The following ROBO2 variants were observed in gnomAD, a reference collection of about 807,000 sequenced individuals.
The protein encoded by ROBO2 is roundabout homolog 2.
Under a neutral mutation model 160.8 loss-of-function variants are expected in ROBO2, and 53 were observed. The ratio of observed to expected loss-of-function variants is 0.33; its 90% CI spans 0.26 to 0.41. The LOEUF is 0.41. ROBO2 is among the 10% of genes least tolerant of loss of function. ROBO2 has a pLI of 1.00. For synonymous variants in ROBO2, 664 were observed against 611.7 expected, an observed-to-expected ratio of 1.09 and a Z score of -1.26; for missense variants, 1,577 against 1,722.4, an observed-to-expected ratio of 0.92 and a Z score of 1.49.
intron 2 of ROBO2, among the ~76,000 whole-genome samples, chr3:76,468,930 A>G (rs3913575): frequency 0.38 from 58,244 of 151,832 alleles, 11,260 homozygotes; most frequent in Non-Finnish European, 0.4. Flanking sequence ...TTCCTACTTC[A>G]CGTCTCTCTT....
At chr3:76,651,164 C>T (rs1393159673) in intron 2 of ROBO2, among the ~76,000 whole-genome samples, 2 of 152,154 alleles carry the variant, frequency 1.3e-5, no homozygotes, top group Non-Finnish European at 2.9e-5. Context: ...GCACTCAAAA[C>T]CTCAGGGGTC....
At chr3:76,147,683 A>C (rs2071969999) in intron 2 of ROBO2, among the ~76,000 whole-genome samples, 1 of 152,024 alleles carries the variant, frequency 6.6e-6, no homozygotes, top group Admixed American at 6.6e-5. Context: ...TAATGATTGC[A>C]AAGCAGCCAA....
chr3:76,965,949 T>C (rs1577906480), intron 2 of ROBO2, among the ~76,000 whole-genome samples: 1 of 136,634 alleles, frequency 7.3e-6, no homozygotes, highest in East Asian at 2.2e-4. Flanking sequence ...TGAGACGGAG[T>C]TTCACTCTTG....
chr3:77,190,291 GAA>G (rs1322201911), intron 2 of ROBO2, among the ~76,000 whole-genome samples: 1 of 151,918 alleles, frequency 6.6e-6, no homozygotes, highest in Non-Finnish European at 1.5e-5. Flanking sequence ...GCTGTGCTCA[GAA>G]AAAGTCTTGT....
intron 2 of ROBO2, among the ~76,000 whole-genome samples, chr3:77,239,851 T>C (rs749336308): frequency 1.3e-5 from 2 of 151,876 alleles, no homozygotes; most frequent in African/African-American, 4.8e-5. Context: ...TTACAATCCT[T>C]TAGCTAGATG....
chr3:77,520,670 A>G (rs1447846), intron 5 of ROBO2, among the ~76,000 whole-genome samples: 119,871 of 151,108 alleles, frequency 0.79, 48,280 homozygotes, highest in African/African-American at 0.93. Flanking sequence ...CAACAAGAAT[A>G]AATAGCTAAA....
intron 2 of ROBO2, among the ~76,000 whole-genome samples, chr3:76,186,787 T>A (rs1701786142): frequency 6.6e-6 from 1 of 152,158 alleles, no homozygotes; most frequent in African/African-American, 2.4e-5. Context: ...CTCCAATTCA[T>A]TCACTACCTC....
At chr3:76,119,912 C>CCCTCCCTTCCTT (rs1265582812) in intron 2 of ROBO2, among the ~76,000 whole-genome samples, 1 of 84,902 alleles carries the variant, frequency 1.2e-5, no homozygotes, top group African/African-American at 5.1e-5. Context: ...TTCCTTCCCT[C>CCCTCCCTTCCTT]CCTCCCTTCC....
intron 2 of ROBO2, among the ~76,000 whole-genome samples, chr3:76,581,919 C>T (rs1040036530): frequency 1.3e-5 from 2 of 152,076 alleles, no homozygotes; most frequent in Non-Finnish European, 2.9e-5. Flanking sequence ...GTCTCTAATT[C>T]ACATTAAAAT....
At chr3:76,327,885 A>T in intron 2 of ROBO2, among the ~76,000 whole-genome samples, 1 of 152,170 alleles carries the variant, frequency 6.6e-6, no homozygotes, top group Non-Finnish European at 1.5e-5. Flanking sequence ...TGAAAAAAAA[A>T]AGTGTTAAGT....
At chr3:77,224,232 C>A (rs1264767220) in intron 2 of ROBO2, among the ~76,000 whole-genome samples, 1 of 152,066 alleles carries the variant, frequency 6.6e-6, no homozygotes, top group Middle Eastern at 3.4e-3. Context: ...AGTTTTTGAA[C>A]CTTGATCCAA....
At chr3:76,082,424 A>G (rs908181355) in intron 2 of ROBO2, among the ~76,000 whole-genome samples, 7 of 152,278 alleles carry the variant, frequency 4.6e-5, no homozygotes, top group Middle Eastern at 3.4e-3. Context: ...GATGTGGAGT[A>G]GGAAATGAGA....
intron 1 of ROBO2, among the ~76,000 whole-genome samples, chr3:77,053,641 A>C (rs2065433338): frequency 6.6e-6 from 1 of 152,170 alleles, no homozygotes; most frequent in Non-Finnish European, 1.5e-5. Context: ...GAAATTGTAA[A>C]TCTCAACATT....
chr3:76,064,245 C>G (rs2068167917), intron 2 of ROBO2, among the ~76,000 whole-genome samples: 1 of 152,110 alleles, frequency 6.6e-6, no homozygotes, highest in Admixed American at 6.5e-5. Flanking sequence ...TGTTGTGTTA[C>G]GCTTCTAATT....
intron 2 of ROBO2, among the ~76,000 whole-genome samples, chr3:77,345,858 C>G (rs140816728): frequency 4.7e-4 from 71 of 152,098 alleles, no homozygotes; most frequent in Non-Finnish European, 8.5e-4. Context: ...AGTCAATTTG[C>G]TCTGTGATAT....
chr3:76,318,127 T>A (rs1455123841), intron 2 of ROBO2, among the ~76,000 whole-genome samples: 1 of 152,030 alleles, frequency 6.6e-6, no homozygotes, highest in East Asian at 1.9e-4. Flanking sequence ...AGGGAAAAAA[T>A]TGGAAAGAGT....
chr3:77,355,336 C>A (rs1212222191), intron 2 of ROBO2, among the ~76,000 whole-genome samples: 1 of 152,206 alleles, frequency 6.6e-6, no homozygotes, highest in Non-Finnish European at 1.5e-5. Context: ...CTGAGTCTGG[C>A]TTCTTGCACT....
In ROBO2 at chr3:76,128,439, T is replaced by C. The variant is rs190849369; in HGVS notation, c.109+190837T>C. 6.6e-5 allele frequency among the ~76,000 whole-genome samples: 10 copies of C among 152,258 alleles called. No homozygotes were observed. The East Asian group carries it at 1.9e-3, about 29-fold the overall frequency. The stretch of plus-strand genomic sequence containing the variant: ...ATTCTTCCCTCTCAGACCAATGGAA[T>C]TATATTAATTTATAGTAACTGTTTT... On this transcript the variant is annotated intron_variant, in intron 2 of 26. Coordinates refer to the ROBO2 transcript ENST00000487694.
At chr3:76,963,850 G>A (rs200535182) in intron 2 of ROBO2, among the ~76,000 whole-genome samples, 207 of 109,800 alleles carry the variant, frequency 1.9e-3, no homozygotes, top group African/African-American at 4.4e-3. Flanking sequence ...AAAAAAAAAA[G>A]AAAAAAAAGA....
Sources: allele counts gnomAD v4.1 joint callset (sites outside exome capture counted in the v4.1 genomes callset), GRCh38; gene constraint gnomAD v4.1.1; transcripts MANE v1.5; gene names NCBI Gene and HGNC (gene_info 2026-07-23, HGNC 2026-07-21).